RELN: variants seen among roughly 807,000 people sequenced by gnomAD.
RELN encodes the protein reelin.
In RELN, 108 loss-of-function variants were observed where a neutral mutation model predicts 427.6. That is an observed-to-expected ratio of 0.25 (90% confidence interval 0.22 to 0.30). The LOEUF is 0.30. RELN is among the 10% of genes least tolerant of loss of function. The pLI, the probability that RELN is intolerant of heterozygous loss-of-function variation, is 1.00. For synonymous variants in RELN, 1,524 were observed against 1,513.4 expected (o/e 1.01, Z -0.16); for missense variants, 3,715 against 4,302.8 (o/e 0.86, Z 3.82).
chr7:103,982,074 G>A (rs959813208), intron 1 of RELN, among the ~76,000 whole-genome samples: 28 of 152,102 alleles, frequency 1.8e-4, no homozygotes, highest in Non-Finnish European at 3.5e-4. Context: ...GCTGCGGCAC[G>A]AGAATCGCCT....
At position 103,852,512 on chromosome 7, in the gene RELN, A is replaced by G. The variant is rs184843129; in HGVS notation, c.338-18840T>C. ...TGGGTTACATAATCAATGTATGTAAAGTGTCTAGCACATAGAAAGTACTAT... is the reference window on the plus strand; with the variant it reads ...TGGGTTACATAATCAATGTATGTAAGGTGTCTAGCACATAGAAAGTACTAT... On this transcript the variant is annotated intron_variant, in intron 2 of 64. Transcript: ENST00000428762. Among the ~76,000 whole-genome samples, 17 of 152,290 alleles carry G rather than the reference A, an allele frequency of 1.1e-4. 1 individual carries two copies. In the East Asian group the frequency reaches 3.3e-3, roughly 29 times the overall value.
In RELN at chr7:103,625,863, C is replaced by A. The variant is rs550347142; in HGVS notation, c.2702+4077G>T. Among the ~76,000 whole-genome samples the A allele has an allele frequency of 4.1e-4, 63 of 152,016 alleles. 1 individual carries two copies. Among genetic ancestry groups the A allele is most frequent in the Non-Finnish European group, 7.1e-4 (48 of 67,974 alleles). The stretch of plus-strand genomic sequence containing the variant: ...AGAAATCATTAAAATATGTCACCTT[C>A]TAGAAATTATAAAAGAATGTGCAAG... On this transcript the variant is annotated intron_variant, in intron 20 of 64. Coordinates refer to ENST00000428762, the MANE Select transcript of RELN (RefSeq NM_005045.4).
intron 51 of RELN, among the ~76,000 whole-genome samples, chr7:103,509,312 C>T (rs1355444430): frequency 2.0e-5 from 3 of 152,060 alleles, no homozygotes; most frequent in East Asian, 1.9e-4. Context: ...GTTATATAGA[C>T]CAATCAAACA....
intron 52 of RELN, 128 bp from the exon 53 acceptor site, chr7:103,501,050 T>G: frequency 1.2e-6 from 1 of 835,168 alleles, no homozygotes; most frequent in Non-Finnish European, 2.0e-6. Context: ...TGAAATAGGT[T>G]AATAAAAAAT....
At chr7:103,756,837 C>A (rs1036020941) in intron 4 of RELN, among the ~76,000 whole-genome samples, 1 of 151,996 alleles carries the variant, frequency 6.6e-6, no homozygotes, top group African/African-American at 2.4e-5. Flanking sequence ...ATTTAGTATG[C>A]AAAACTTAAT....
chr7:103,701,665 A>C (rs1436523465), intron 8 of RELN, among the ~76,000 whole-genome samples: 1 of 152,184 alleles, frequency 6.6e-6, no homozygotes, highest in East Asian at 1.9e-4. Context: ...AGCTGATAAG[A>C]ATTTGTTTCT....
chr7:103,489,683 TTAAGA>T, intron 60 of RELN, 54 bp downstream of exon 60: 1 of 1,586,098 alleles, frequency 6.3e-7, no homozygotes, highest in Non-Finnish European at 8.6e-7. Flanking sequence ...TGTATATATG[TTAAGA>T]TGAGGAGAAC....
chr7:103,481,478 T>G (rs578098951), intron 63 of RELN, among the ~76,000 whole-genome samples: 277 of 152,272 alleles, frequency 1.8e-3, no homozygotes, highest in African/African-American at 6.0e-3. Flanking sequence ...CATTTTATTA[T>G]CTACCAGTTT....
chr7:103,606,362 C>T (rs904056371), intron 22 of RELN, among the ~76,000 whole-genome samples: 17 of 152,106 alleles, frequency 1.1e-4, no homozygotes, highest in Admixed American at 3.3e-4. Flanking sequence ...CTGTAGGTGA[C>T]GGAATGAAGA....
chr7:103,962,717 T>C (rs546906724), intron 1 of RELN, among the ~76,000 whole-genome samples: 136 of 152,234 alleles, frequency 8.9e-4, no homozygotes, highest in African/African-American at 3.1e-3. Flanking sequence ...TTCAGGAGTC[T>C]GCCATTACCA....
chr7:103,666,291 G>C (rs1833266397), intron 11 of RELN, among the ~76,000 whole-genome samples: 1 of 151,948 alleles, frequency 6.6e-6, no homozygotes, highest in Admixed American at 6.6e-5. Context: ...AGGCTGGTCT[G>C]AAACTCCTGG....
intron 8 of RELN, among the ~76,000 whole-genome samples, chr7:103,704,332 C>G (rs11976809): frequency 0.012 from 1,894 of 152,166 alleles, 37 homozygotes; most frequent in African/African-American, 0.041. Flanking sequence ...AAATTTCTAG[C>G]ATTTTAATGT....
At chr7:103,633,261 G>A (rs140160054) in intron 19 of RELN, among the ~76,000 whole-genome samples, 283 of 152,054 alleles carry the variant, frequency 1.9e-3, no homozygotes, top group African/African-American at 6.6e-3. Flanking sequence ...GCAATTACAG[G>A]CAGCAATTTA....
rs190426718 is a variant in RELN, at chr7:103,520,269, G to T, written c.7669-753C>A. Among the ~76,000 whole-genome samples, 183 of 152,084 alleles carry T rather than the reference G, an allele frequency of 1.2e-3. 1 individual carries two copies. Among genetic ancestry groups the T allele is most frequent in the African/African-American group, 4.1e-3 (169 of 41,478 alleles). ...TCAACCACTAAGAAAATAGCATATT[G>T]AGATGACCATTTTATTATGATTATT... On this transcript the variant is annotated intron_variant, in intron 48 of 64. Coordinates refer to ENST00000428762, the MANE Select transcript of RELN (RefSeq NM_005045.4).
intron 38 of RELN, 33 bp downstream of exon 38, chr7:103,556,944 G>A (rs1428547309): frequency 6.5e-7 from 1 of 1,547,146 alleles, no homozygotes; most frequent in South Asian, 1.1e-5. Flanking sequence ...GCCACTATCA[G>A]TTCTGATCAC....
intron 63 of RELN, among the ~76,000 whole-genome samples, chr7:103,479,867 A>G (rs1828169010): frequency 6.6e-6 from 1 of 152,204 alleles, no homozygotes; most frequent in Admixed American, 6.5e-5. Flanking sequence ...ATGCATGACC[A>G]TAATTTTTCT....
intron 1 of RELN, among the ~76,000 whole-genome samples, chr7:103,980,506 T>C (rs2116841135): frequency 6.6e-6 from 1 of 152,368 alleles, no homozygotes; most frequent in African/African-American, 2.4e-5. Flanking sequence ...TTTATTATTA[T>C]TTTCCTTTTC....
intron 1 of RELN, among the ~76,000 whole-genome samples, chr7:103,959,563 A>G (rs1328829409): frequency 6.6e-6 from 1 of 152,086 alleles, no homozygotes; most frequent in Non-Finnish European, 1.5e-5. Flanking sequence ...CCATTCCCCA[A>G]GTTGCTCAAG....
chr7:103,472,649 T>C lies in RELN; in HGVS notation c.*163A>G. The C allele has an allele frequency of 1.6e-6, 1 of 637,382 alleles. No homozygotes were observed. Among genetic ancestry groups the C allele is most frequent in the Non-Finnish European group, 2.8e-6 (1 of 351,806 alleles). 39.5% of individuals were successfully genotyped at this position (637,382 alleles called of 1,614,324 possible). A position where few individuals can be genotyped will look rare whatever the true frequency, so the allele number is the denominator to read the frequency against. On this transcript the variant is annotated 3_prime_UTR_variant, in exon 65 of 65. Coordinates refer to ENST00000428762, the MANE Select transcript of RELN (RefSeq NM_005045.4). ...AGCAAATAAGTCACTTGTCATTAGT[T>C]CACAGTGTGGGAAAGTGGTGTACAC...
Sources: gnomAD v4.1 joint callset for allele counts (sites outside exome capture counted in the v4.1 genomes callset) on GRCh38, gnomAD v4.1.1 for gene constraint, MANE v1.5 for transcripts, NCBI Gene and HGNC (gene_info 2026-07-23, HGNC 2026-07-21) for gene names.